Variants in SOS1 observed in about 807,000 individuals in gnomAD.
SOS1 encodes the protein SOS Ras/Rac guanine nucleotide exchange factor 1, also known as son of sevenless homolog 1.
SOS1 carries 25 observed loss-of-function variants against 157.6 expected under a neutral mutation model. The observed-to-expected ratio is 0.16, with a 90% CI of 0.12 to 0.22. The LOEUF is 0.22. Among genes scored for constraint, SOS1 ranks in the 10% least tolerant of loss-of-function variants. The pLI, the probability that SOS1 is intolerant of heterozygous loss-of-function variation, is 1.00. For missense variants in SOS1, 1,237 were observed against 1,599.1 expected, an observed-to-expected ratio of 0.77 and a Z score of 3.86; for synonymous variants, 528 against 534.0, an observed-to-expected ratio of 0.99 and a Z score of 0.16.
chr2:39,063,518 A>G (rs570697589), intron 2 of SOS1, among the ~76,000 whole-genome samples: 1 of 152,324 alleles, frequency 6.6e-6, no homozygotes, highest in East Asian at 1.9e-4. Flanking sequence ...ATACTAATAT[A>G]TTGGCAGTAC....
intron 9 of SOS1, 171 bp downstream of exon 9, chr2:39,023,839 T>C: frequency 1.7e-6 from 1 of 595,268 alleles, no homozygotes; most frequent in Non-Finnish European, 3.0e-6. Context: ...ATATGAAAGG[T>C]TTTTCAAACA....
At chr2:39,112,923 C>T (rs1572901545) in intron 1 of SOS1, among the ~76,000 whole-genome samples, 1 of 151,950 alleles carries the variant, frequency 6.6e-6, no homozygotes, top group East Asian at 1.9e-4. Context: ...CCTGTAATCC[C>T]AGCTACTGGG....
At chr2:38,987,788 A>G in intron 21 of SOS1, 197 bp from the exon 22 acceptor site, 1 of 543,414 alleles carries the variant, frequency 1.8e-6, no homozygotes, top group Non-Finnish European at 3.3e-6. Context: ...TTTTAGCAGA[A>G]TATTTAGAAA....
Position 39,022,609 on chromosome 2 carries a change from T to C in SOS1, c.1819A>G (p.Ile607Val). ...GIPIIKAGTV[I>V]KLIERLTYHM... ...TACGTAAGCCTCTCTATAAGTTTAA[T>C]AACAGTTCCTGCTTTGATAATTGGA... Residue 607 changes from isoleucine to valine, a missense_variant, in exon 10 of 23, where the codon ATT becomes GTT. Around this residue, in one of 15 missense-constraint regions of SOS1, gnomAD observed 22 missense variants for 46.3 expected, o/e 0.48. Coordinates refer to ENST00000402219, the MANE Select transcript of SOS1 (RefSeq NM_005633.4). The C allele has an allele frequency of 6.2e-7, 1 of 1,613,418 alleles. No individual in the cohort carries two copies. Among genetic ancestry groups the C allele is most frequent in the South Asian group, 1.1e-5 (1 of 91,058 alleles).
chr2:39,083,006 A>G (rs1297439423), intron 1 of SOS1, among the ~76,000 whole-genome samples: 1 of 152,182 alleles, frequency 6.6e-6, no homozygotes. Context: ...GAGCAAAATT[A>G]GTCCCAGAGT....
intron 1 of SOS1, among the ~76,000 whole-genome samples, chr2:39,096,313 C>G (rs1335605109): frequency 6.6e-6 from 1 of 152,186 alleles, no homozygotes; most frequent in Non-Finnish European, 1.5e-5. Context: ...GTTCATTCTA[C>G]TCAATTTTAC....
In SOS1 at chr2:39,022,918, T is replaced by C; in HGVS notation, c.1510A>G (p.Lys504Glu). 6.2e-7 allele frequency: 1 copy of C among 1,612,822 alleles called. No homozygotes were observed. The highest frequency in any genetic ancestry group is 8.5e-7 in the Non-Finnish European group (1 of 1,178,968). Residue 504 changes from lysine to glutamate, a missense_variant, in exon 10 of 23, where the codon AAA becomes GAA. This residue lies in a region of SOS1 where 210 missense variants were observed against 220.2 expected (regional missense o/e 0.95). Transcript: ENST00000402219. The part of the protein sequence containing the change: ...FFMRKVQIND[K>E]DDTNEYKHAF... ...TGCTTGTATTCATTGGTGTCATCTT[T>C]ATCATTAATTTGTACCTTTCGCATA...
chr2:38,986,201 C>T lies in SOS1; in HGVS notation c.3625G>A (p.Glu1209Lys). Residue 1209 changes from glutamate to lysine, a missense_variant, in exon 23 of 23, where the codon GAA becomes AAA. Glu to Lys is a moderately conservative substitution (Grantham distance 56, BLOSUM62 1). Transcript: ENST00000402219. The stretch of plus-strand genomic sequence containing the variant: ...CGTGGTGGTAATAAGGGAGGGCTTT[C>T]AGGAGGGTCTGAGATAGAGGTCCGG... ...SDRTSISDPP[E>K]SPPLLPPREP... 1 of 1,613,784 alleles carries T rather than the reference C, an allele frequency of 6.2e-7. No homozygotes were observed. The highest frequency in any genetic ancestry group is 8.5e-7 in the Non-Finnish European group (1 of 1,179,874).
At chr2:39,069,918 G>A (rs953612620) in intron 1 of SOS1, among the ~76,000 whole-genome samples, 1 of 152,106 alleles carries the variant, frequency 6.6e-6, no homozygotes, top group African/African-American at 2.4e-5. Context: ...ATTTGCCCAA[G>A]AACTTTTGAT....
intron 8 of SOS1, 38 bp from the exon 9 acceptor site, chr2:39,024,175 A>C: frequency 6.4e-7 from 1 of 1,552,034 alleles, no homozygotes; most frequent in Non-Finnish European, 8.9e-7. Flanking sequence ...CCAGTAGTAC[A>C]TTTTTGGATA....
At chr2:39,038,868 T>C (rs952512659) in intron 6 of SOS1, among the ~76,000 whole-genome samples, 4 of 152,002 alleles carry the variant, frequency 2.6e-5, no homozygotes, top group Non-Finnish European at 5.9e-5. Flanking sequence ...TTTGAGAGGA[T>C]TGACTCCAAT....
Position 39,056,836 on chromosome 2 carries a change from C to A in SOS1, c.376G>T (p.Val126Phe). Residue 126 changes from valine (V) to phenylalanine (F), a missense_variant, in exon 4 of 23, where the codon GTT becomes TTT. By Grantham distance (50) the Val-to-Phe change is conservative. Around this residue, in one of 15 missense-constraint regions of SOS1, gnomAD observed 37 missense variants for 38.5 expected, o/e 0.96. Coordinates refer to ENST00000402219, the MANE Select transcript of SOS1 (RefSeq NM_005633.4). ...AAGACTGCTACTATGTAAACAGAAA[C>A]CTGGTGGTCAATTTTATAACCTAGG... is the stretch of plus-strand genomic sequence containing the variant. Reference protein sequence around the residue: ...EVLGYKIDHQVSVYIVAVLEY... With the variant: ...EVLGYKIDHQFSVYIVAVLEY... 1 of 1,610,724 alleles carries A rather than the reference C, an allele frequency of 6.2e-7. No homozygotes were observed. The highest frequency in any genetic ancestry group is 8.5e-7 in the Non-Finnish European group (1 of 1,177,194).
At chr2:39,027,501 T>G (rs554709067) in intron 8 of SOS1, among the ~76,000 whole-genome samples, 37 of 152,358 alleles carry the variant, frequency 2.4e-4, no homozygotes, top group African/African-American at 8.4e-4. Flanking sequence ...ACTTTTTGCT[T>G]CTTTTACTTA....
At position 38,986,180 on chromosome 2, in the gene SOS1, G is replaced by C. The variant is rs762129481; in HGVS notation, c.3646C>G (p.Pro1216Ala). The C allele has an allele frequency of 6.2e-7, 1 of 1,613,942 alleles. No homozygotes were observed. The highest frequency in any genetic ancestry group is 1.1e-5 in the South Asian group (1 of 91,088). The change falls in exon 23 of 23, where the codon CCA becomes GCA. Residue 1216 changes from proline to alanine, a missense_variant. Transcript: ENST00000402219. ...DPPESPPLLP[P>A]REPVRTPDVF... ...TCAGGTGTCCTCACAGGTTCTCGTG[G>C]TGGTAATAAGGGAGGGCTTTCAGGA... is the stretch of plus-strand genomic sequence containing the variant.
At chr2:39,032,134 T>C (rs1475166903) in intron 8 of SOS1, among the ~76,000 whole-genome samples, 1 of 152,248 alleles carries the variant, frequency 6.6e-6, no homozygotes, top group East Asian at 1.9e-4. Context: ...ATACTTTTTT[T>C]CGTGGTGAGA....
upstream of SOS1, among the ~76,000 whole-genome samples, chr2:39,122,753 C>A (rs2148247590): frequency 6.6e-6 from 1 of 152,198 alleles, no homozygotes; most frequent in Admixed American, 6.5e-5. Flanking sequence ...ACTGTATTGG[C>A]CAGGCTGGTC....
At chr2:39,092,225 G>GA (rs1388811371) in intron 1 of SOS1, among the ~76,000 whole-genome samples, 1 of 151,858 alleles carries the variant, frequency 6.6e-6, no homozygotes, top group Non-Finnish European at 1.5e-5. Flanking sequence ...TTGGAGACAG[G>GA]GTCTCACTCT....
chr2:39,020,241 C>T (rs1669756788), intron 10 of SOS1, among the ~76,000 whole-genome samples: 1 of 151,564 alleles, frequency 6.6e-6, no homozygotes, highest in South Asian at 2.1e-4. Flanking sequence ...TTGTACATTA[C>T]TGTTAAAATA....
chr2:39,062,435 T>TAAAAAAAAAAAAAAAAAAAAAAAAAAAA (rs397974197), intron 2 of SOS1, among the ~76,000 whole-genome samples: 1 of 138,472 alleles, frequency 7.2e-6, no homozygotes. Context: ...AAAAAAAAAT[T>TAAAAAAAAAAAAAAAAAAAAAAAAAAAA]AAAAAAAAAA....
Sources: gnomAD v4.1 joint callset for allele counts (sites outside exome capture counted in the v4.1 genomes callset) on GRCh38, gnomAD v4.1.1 for gene constraint, gnomAD v4.1.1 regional missense constraint, MANE v1.5 for transcripts, NCBI Gene and HGNC (gene_info 2026-07-23, HGNC 2026-07-21) for gene names.